The following DLGAP1 variants were observed in gnomAD, a reference collection of about 807,000 sequenced individuals.
DLGAP1 encodes the protein disks large-associated protein 1.
DLGAP1 carries 11 observed loss-of-function variants against 90.8 expected under a neutral mutation model. The observed-to-expected ratio is 0.12, with a 90% CI of 0.08 to 0.20. DLGAP1 has a LOEUF of 0.20. DLGAP1 is among the 10% of genes least tolerant of loss of function. The pLI, the probability that DLGAP1 is intolerant of heterozygous loss-of-function variation, is 1.00. For missense variants in DLGAP1, 1,050 were observed against 1,333.8 expected (o/e 0.79, Z 3.31); for synonymous variants, 558 against 540.7 (o/e 1.03, Z -0.44).
intron 7 of DLGAP1, among the ~76,000 whole-genome samples, chr18:3,664,765 T>C (rs1047218095): frequency 4.6e-5 from 7 of 152,206 alleles, no homozygotes; most frequent in African/African-American, 1.7e-4. Context: ...TGATCACCAG[T>C]GAATTCCCCG....
At chr18:4,115,459 A>G (rs1243255361) in intron 2 of DLGAP1, among the ~76,000 whole-genome samples, 2 of 140,638 alleles carry the variant, frequency 1.4e-5, no homozygotes, top group Admixed American at 1.4e-4. Context: ...TTGAACTACC[A>G]TCTAGTGTCA....
At chr18:4,203,265 T>TAAAAA (rs61037023) in intron 1 of DLGAP1, among the ~76,000 whole-genome samples, 1 of 128,114 alleles carries the variant, frequency 7.8e-6, no homozygotes, top group African/African-American at 2.8e-5. Flanking sequence ...ACAGAGAGAT[T>TAAAAA]AAAAAAAAAA....
At chr18:4,253,192 C>G (rs527350425) in intron 1 of DLGAP1, among the ~76,000 whole-genome samples, 3 of 152,152 alleles carry the variant, frequency 2.0e-5, no homozygotes, top group African/African-American at 7.2e-5. Context: ...TAATGCATTA[C>G]GCAGTAGGAT....
chr18:4,194,898 C>T (rs964024557), intron 1 of DLGAP1, among the ~76,000 whole-genome samples: 3 of 152,116 alleles, frequency 2.0e-5, no homozygotes, highest in East Asian at 1.9e-4. Context: ...TAACACAGAC[C>T]TCACCTCCCT....
intron 3 of DLGAP1, among the ~76,000 whole-genome samples, chr18:3,992,184 T>C (rs961344606): frequency 2.6e-5 from 4 of 152,228 alleles, no homozygotes; most frequent in Non-Finnish European, 5.9e-5. Flanking sequence ...TGGTCCCCTA[T>C]TTTAATGATT....
intron 1 of DLGAP1, among the ~76,000 whole-genome samples, chr18:4,225,983 C>A (rs1468098359): frequency 1.3e-5 from 2 of 151,936 alleles, no homozygotes; most frequent in Non-Finnish European, 1.5e-5. Context: ...CTAAAGACTA[C>A]AAAATATTTA....
chr18:3,641,728 C>T (rs1478066485), intron 7 of DLGAP1, among the ~76,000 whole-genome samples: 1 of 151,916 alleles, frequency 6.6e-6, no homozygotes, highest in Non-Finnish European at 1.5e-5. Flanking sequence ...GTCCTTTCAC[C>T]TCATCATCTC....
intron 10 of DLGAP1, among the ~76,000 whole-genome samples, chr18:3,533,789 T>C (rs2052162788): frequency 6.6e-6 from 1 of 152,134 alleles, no homozygotes; most frequent in South Asian, 2.1e-4. Context: ...TGTGGGTATA[T>C]AGTAGATGTA....
chr18:4,007,137 T>C (rs992989082), intron 2 of DLGAP1, among the ~76,000 whole-genome samples: 2 of 152,124 alleles, frequency 1.3e-5, no homozygotes, highest in Admixed American at 1.3e-4. Context: ...ATTATCTTCA[T>C]CATAGTCAGA....
chr18:3,614,686 C>CAAAAAAAA (rs35764644), intron 7 of DLGAP1, among the ~76,000 whole-genome samples: 1 of 104,990 alleles, frequency 9.5e-6, no homozygotes, highest in African/African-American at 3.7e-5. Flanking sequence ...ACTAAAAATA[C>CAAAAAAAA]AAAAAAAAAA....
At chr18:3,979,251 AT>A (rs2073670403) in intron 3 of DLGAP1, among the ~76,000 whole-genome samples, 1 of 151,934 alleles carries the variant, frequency 6.6e-6, no homozygotes, top group African/African-American at 2.4e-5. Flanking sequence ...TTTTTTTTCT[AT>A]GTTTAGATGC....
intron 1 of DLGAP1, among the ~76,000 whole-genome samples, chr18:4,164,154 A>C (rs2076894230): frequency 6.6e-6 from 1 of 152,172 alleles, no homozygotes; most frequent in African/African-American, 2.4e-5. Flanking sequence ...TAAACATAAC[A>C]GTGTGAGTCC....
At chr18:4,433,909 T>C (rs1446516984) in intron 1 of DLGAP1, among the ~76,000 whole-genome samples, 4 of 152,174 alleles carry the variant, frequency 2.6e-5, no homozygotes, top group Non-Finnish European at 5.9e-5. Flanking sequence ...CTTTAGTTTA[T>C]GTGCTGAAGC....
At chr18:4,306,031 A>ACACACACAC (rs2080247283) in intron 1 of DLGAP1, among the ~76,000 whole-genome samples, 1 of 25,184 alleles carries the variant, frequency 4.0e-5, no homozygotes, top group East Asian at 1.3e-3. Flanking sequence ...GACACACACA[A>ACACACACAC]ATACACACAC....
intron 1 of DLGAP1, among the ~76,000 whole-genome samples, chr18:4,382,471 T>TAAAAAAAA (rs2082145796): frequency 7.1e-6 from 1 of 141,146 alleles, no homozygotes; most frequent in Non-Finnish European, 1.5e-5. Context: ...CTGGGGCCAA[T>TAAAAAAAA]AAAAACAGCA....
At chr18:3,874,910 C>T (rs1312131381) in intron 4 of DLGAP1, 1 of 597,730 alleles carries the variant, frequency 1.7e-6, no homozygotes, top group Non-Finnish European at 2.5e-6. Context: ...GCAACGATTT[C>T]AAGCTACAGT....
chr18:4,230,288 T>C (rs73373087), intron 1 of DLGAP1, among the ~76,000 whole-genome samples: 3,683 of 152,164 alleles, frequency 0.024, 128 homozygotes, highest in African/African-American at 0.075. Flanking sequence ...AGATATATTA[T>C]GCAAAGAAAG....
At chr18:3,955,159 T>C (rs2073059865) in intron 3 of DLGAP1, among the ~76,000 whole-genome samples, 1 of 152,110 alleles carries the variant, frequency 6.6e-6, no homozygotes, top group Admixed American at 6.5e-5. Flanking sequence ...CCAGGCTGCC[T>C]GGAAAAACTC....
intron 1 of DLGAP1, among the ~76,000 whole-genome samples, chr18:4,174,885 G>T (rs1167308814): frequency 6.6e-6 from 1 of 152,134 alleles, no homozygotes; most frequent in Non-Finnish European, 1.5e-5. Context: ...TTTTGTGTTG[G>T]TTTGCTGAGG....
Sources: gnomAD v4.1 joint callset for allele counts (sites outside exome capture counted in the v4.1 genomes callset) on GRCh38, gnomAD v4.1.1 for gene constraint, MANE v1.5 for transcripts, NCBI Gene and HGNC (gene_info 2026-07-23, HGNC 2026-07-21) for gene names.